Variants in PRDM5 observed in about 807,000 individuals in gnomAD.
PRDM5 encodes the protein PR domain zinc finger protein 5.
In PRDM5, 56 loss-of-function variants were observed where a neutral mutation model predicts 81.2. That is an observed-to-expected ratio of 0.69 (90% CI 0.56 to 0.86). The LOEUF is 0.86. Among genes scored for constraint, PRDM5 ranks in the 40% least tolerant of loss-of-function variants. The probability of loss-of-function intolerance (pLI) is 0.00; values close to 1 mark genes in which losing one functional copy is unlikely to be tolerated. For missense variants in PRDM5, 697 were observed against 770.1 expected (o/e 0.91, Z 1.12); for synonymous variants, 267 against 256.4 (o/e 1.04, Z -0.39).
intron 2 of PRDM5, among the ~76,000 whole-genome samples, chr4:120,869,597 T>TA (rs1761565934): frequency 6.6e-6 from 1 of 152,056 alleles, no homozygotes; most frequent in African/African-American, 2.4e-5. Context: ...ATTTAGTACA[T>TA]AAAAACAACA....
chr4:120,709,148 A>G (rs1215271653), intron 15 of PRDM5, among the ~76,000 whole-genome samples: 1 of 152,208 alleles, frequency 6.6e-6, no homozygotes, highest in Non-Finnish European at 1.5e-5. Context: ...GTTAAATGTC[A>G]TGGTAGAAAG....
intron 3 of PRDM5, among the ~76,000 whole-genome samples, chr4:120,835,703 C>CT (rs377232520): frequency 7.6e-4 from 116 of 152,048 alleles, no homozygotes; most frequent in Non-Finnish European, 1.3e-3. Flanking sequence ...AACTAAACCT[C>CT]TTTTTTTTCC....
chr4:120,809,058 C>T (rs761721280), intron 8 of PRDM5, among the ~76,000 whole-genome samples: 103 of 152,334 alleles, frequency 6.8e-4, no homozygotes, highest in Admixed American at 5.2e-3. Flanking sequence ...ATGGCCAGAG[C>T]GGGCGCCAAG....
chr4:120,849,640 A>ATAT (rs1759043216), intron 3 of PRDM5, among the ~76,000 whole-genome samples: 1 of 152,200 alleles, frequency 6.6e-6, no homozygotes, highest in Non-Finnish European at 1.5e-5. Flanking sequence ...GTAGCACTCC[A>ATAT]TCTCTGAAAT....
intron 13 of PRDM5, 24 bp from the exon 14 acceptor site, chr4:120,754,662 G>A (rs1328022824): frequency 6.6e-7 from 1 of 1,507,436 alleles, no homozygotes. Context: ...AAGCCTCCAT[G>A]TCAGAAAAAC....
intron 14 of PRDM5, among the ~76,000 whole-genome samples, chr4:120,733,909 A>C (rs1227503606): frequency 6.8e-6 from 1 of 148,110 alleles, no homozygotes; most frequent in African/African-American, 2.5e-5. Context: ...AAAAAAAAAC[A>C]AAAAAACTGG....
chr4:120,860,852 ATG>A (rs1333185715), intron 2 of PRDM5, among the ~76,000 whole-genome samples: 2 of 152,194 alleles, frequency 1.3e-5, no homozygotes, highest in African/African-American at 4.8e-5. Flanking sequence ...TAAGGCCAGC[ATG>A]TCTTCTGACA....
chr4:120,698,674 T>A (rs1163090956), intron 15 of PRDM5, among the ~76,000 whole-genome samples: 2 of 152,302 alleles, frequency 1.3e-5, no homozygotes, highest in African/African-American at 4.8e-5. Context: ...TCAGAATTCT[T>A]GTCTTTCAAA....
chr4:120,738,519 C>T (rs1741444562), intron 14 of PRDM5, among the ~76,000 whole-genome samples: 2 of 152,118 alleles, frequency 1.3e-5, no homozygotes, highest in African/African-American at 4.8e-5. Context: ...ATAATGAGAG[C>T]CTTTAAGTTC....
chr4:120,919,018 A>C (rs1369205885), intron 1 of PRDM5, among the ~76,000 whole-genome samples: 1 of 152,178 alleles, frequency 6.6e-6, no homozygotes, highest in Admixed American at 6.5e-5. Context: ...ACTTTGAAAG[A>C]GGAAGAACTT....
intron 8 of PRDM5, among the ~76,000 whole-genome samples, chr4:120,801,491 G>A (rs1048106505): frequency 7.9e-5 from 12 of 152,222 alleles, no homozygotes; most frequent in African/African-American, 2.9e-4. Flanking sequence ...CTGACTCTTG[G>A]TGAGTCATTA....
In PRDM5 at chr4:120,836,836, G is replaced by C. The variant is rs929495865; in HGVS notation, c.301-15491C>G. 2.0e-4 allele frequency among the ~76,000 whole-genome samples: 30 copies of C among 152,002 alleles called. 2 individuals are homozygous for C. Among genetic ancestry groups the C allele is most frequent in the Admixed American group, 1.3e-4 (2 of 15,274 alleles). On this transcript the variant is annotated intron_variant, in intron 3 of 15. Transcript: ENST00000264808. Reference sequence around the variant, plus strand: ...AATGGGAATATTACTACTACTTTAGGGGGGGTTGTTAGAATTAAATAAGAC... The same window carrying C: ...AATGGGAATATTACTACTACTTTAGCGGGGGTTGTTAGAATTAAATAAGAC...
At chr4:120,867,515 G>T (rs1761322044) in intron 2 of PRDM5, among the ~76,000 whole-genome samples, 1 of 151,944 alleles carries the variant, frequency 6.6e-6, no homozygotes. Context: ...CTTGTATCAA[G>T]AATTTAACAC....
At chr4:120,744,603 C>T (rs1742683734) in intron 14 of PRDM5, among the ~76,000 whole-genome samples, 1 of 152,150 alleles carries the variant, frequency 6.6e-6, no homozygotes, top group Admixed American at 6.5e-5. Context: ...GGGGATATTA[C>T]CACGGATCCC....
chr4:120,779,077 T>C (rs1748615379), intron 12 of PRDM5, among the ~76,000 whole-genome samples: 1 of 152,166 alleles, frequency 6.6e-6, no homozygotes. Flanking sequence ...TGCTGCTATG[T>C]ATTTCATTGT....
At chr4:120,794,773 G>A (rs970209816) in intron 10 of PRDM5, among the ~76,000 whole-genome samples, 5 of 152,060 alleles carry the variant, frequency 3.3e-5, no homozygotes, top group African/African-American at 7.2e-5. Context: ...ACAGGCGTGC[G>A]CCACAACACC....
At chr4:120,812,343 C>T (rs1753959453) in intron 7 of PRDM5, among the ~76,000 whole-genome samples, 1 of 152,082 alleles carries the variant, frequency 6.6e-6, no homozygotes, top group Non-Finnish European at 1.5e-5. Flanking sequence ...TTTTGAGTAA[C>T]CACCATACCA....
chr4:120,792,223 C>T (rs548011912), intron 10 of PRDM5, among the ~76,000 whole-genome samples: 49 of 152,108 alleles, frequency 3.2e-4, no homozygotes, highest in Non-Finnish European at 5.6e-4. Context: ...TATATTGGCA[C>T]ATGTGGTAAT....
chr4:120,744,496 G>C (rs1309587709), intron 14 of PRDM5, among the ~76,000 whole-genome samples: 10 of 151,862 alleles, frequency 6.6e-5, no homozygotes, highest in Non-Finnish European at 1.5e-4. Flanking sequence ...CCAGGAGCTG[G>C]TTTTTTGAAA....
Sources: gnomAD v4.1 joint callset for allele counts (sites outside exome capture counted in the v4.1 genomes callset) on GRCh38, gnomAD v4.1.1 for gene constraint, MANE v1.5 for transcripts, NCBI Gene and HGNC (gene_info 2026-07-23, HGNC 2026-07-21) for gene names.